Variants in PCDHGB1 observed in about 807,000 individuals in gnomAD.
PCDHGB1 encodes the protein protocadherin gamma subfamily B, 1.
PCDHGB1 carries 34 observed loss-of-function variants against 56.6 expected under a neutral mutation model. That is an observed-to-expected ratio of 0.60 (90% CI 0.46 to 0.80). The LOEUF is 0.80. Ranked by LOEUF, PCDHGB1 falls within the 30% of genes least tolerant of loss-of-function variation. The probability of loss-of-function intolerance (pLI) is 0.00; values close to 1 mark genes in which losing one functional copy is unlikely to be tolerated. For synonymous variants in PCDHGB1, 561 were observed against 505.9 expected (o/e 1.11, Z -1.46); for missense variants, 1,278 against 1,204.6 (o/e 1.06, Z -0.90).
intron 1 of PCDHGB1, among the ~76,000 whole-genome samples, chr5:141,429,706 T>G (rs191069331): frequency 7.6e-4 from 116 of 152,354 alleles, no homozygotes; most frequent in African/African-American, 2.5e-3. Flanking sequence ...ACAGTATAAA[T>G]ATTTACGCTC....
At chr5:141,393,115 G>A (rs1342924521) in intron 1 of PCDHGB1, 1 of 1,613,438 alleles carries the variant, frequency 6.2e-7, no homozygotes. Context: ...CAGAGCCCGC[G>A]GTGTCTGATA....
rs372326132 is a variant in PCDHGB1 at position 141,486,185 on chromosome 5, G to A, written c.2410-8622G>A. On this transcript the variant is annotated intron_variant, in intron 1 of 3. Coordinates refer to ENST00000523390, the MANE Select transcript of PCDHGB1 (RefSeq NM_018922.3). The surrounding 1 kb of genome is among the most constrained non-coding windows in gnomAD (Gnocchi z 5.0). ...CATGGAGCAACATTGCAGCCTTCGAGTGGATCTGCTGGACGTAAATGACAA... is the reference window on the plus strand; with the variant it reads ...CATGGAGCAACATTGCAGCCTTCGAATGGATCTGCTGGACGTAAATGACAA... 42 of 1,614,108 alleles carry A rather than the reference G, an allele frequency of 2.6e-5. No homozygotes were observed. The highest frequency in any genetic ancestry group is 3.4e-5 in the Non-Finnish European group (40 of 1,180,048).
Position 141,491,900 on chromosome 5 carries a change from G to A in PCDHGB1, c.2410-2907G>A, listed in dbSNP as rs1268804496. 7.0e-7 allele frequency: 1 copy of A among 1,429,818 alleles called. No individual in the cohort carries two copies. Among genetic ancestry groups the A allele is most frequent in the East Asian group, 2.5e-5 (1 of 39,444 alleles). The allele number at this position is 1,429,818 out of a possible 1,614,324, so 88.6% of individuals were successfully genotyped here. A position where few individuals can be genotyped will look rare whatever the true frequency, so the allele number is the denominator to read the frequency against. ...TAAGGGATGGGGCTCCGAGCACCGGGGGTGGTGGCGACTGTGGGCGAGGGG... is the reference window on the plus strand; with the variant it reads ...TAAGGGATGGGGCTCCGAGCACCGGAGGTGGTGGCGACTGTGGGCGAGGGG... On this transcript the variant is annotated intron_variant, in intron 1 of 3. Coordinates refer to ENST00000523390, the MANE Select transcript of PCDHGB1 (RefSeq NM_018922.3). This position sits in a 1 kb window ranked among gnomAD's most constrained non-coding sequence, Gnocchi z 6.9.
At chr5:141,448,786 A>G (rs1354591718) in intron 1 of PCDHGB1, among the ~76,000 whole-genome samples, 1 of 148,848 alleles carries the variant, frequency 6.7e-6, no homozygotes, top group African/African-American at 2.5e-5. Context: ...TAAAAATACA[A>G]AAAAAAAAAT....
chr5:141,384,703 G>T, intron 1 of PCDHGB1: 2 of 1,614,100 alleles, frequency 1.2e-6, no homozygotes, highest in Non-Finnish European at 8.5e-7. Context: ...AGGCCAGAAC[G>T]CCTGGCTGTC....
At chr5:141,371,264 A>G (rs753938620) in intron 1 of PCDHGB1, 27 of 1,614,064 alleles carry the variant, frequency 1.7e-5, no homozygotes, top group Non-Finnish European at 2.0e-5. Flanking sequence ...AAGTGAGACA[A>G]CTGTTCAAGC....
intron 1 of PCDHGB1, chr5:141,404,276 G>A (rs754510135): frequency 6.2e-7 from 1 of 1,613,992 alleles, no homozygotes; most frequent in Non-Finnish European, 8.5e-7. Context: ...CACCCTGCAA[G>A]TGACTGACAT....
At chr5:141,362,374 A>AC (rs765639463) in intron 1 of PCDHGB1, 4 of 1,614,036 alleles carry the variant, frequency 2.5e-6, no homozygotes, top group Non-Finnish European at 3.4e-6. Context: ...CAGTGAGGGT[A>AC]CATTGCCCTA....
intron 1 of PCDHGB1, chr5:141,360,307 G>A (rs13171859): frequency 0.11 from 182,138 of 1,613,876 alleles, 11,756 homozygotes; most frequent in Non-Finnish European, 0.13. Flanking sequence ...GGGGCTCAGC[G>A]TCCGGGACTT....
chr5:141,384,791 C>A (rs773450358), intron 1 of PCDHGB1: 22 of 1,613,424 alleles, frequency 1.4e-5, no homozygotes, highest in Non-Finnish European at 1.9e-5. Flanking sequence ...ACGGCTCGGG[C>A]CCTGCTGGAC....
chr5:141,431,093 G>A lies in PCDHGB1; in HGVS notation c.2410-63714G>A. 6.2e-7 allele frequency: 1 copy of A among 1,614,250 alleles called. No individual in the cohort carries two copies. The highest frequency in any genetic ancestry group is 8.5e-7 in the Non-Finnish European group (1 of 1,180,032). On this transcript the variant is annotated intron_variant, in intron 1 of 3. Transcript: ENST00000523390. The surrounding 1 kb of genome is among the most constrained non-coding windows in gnomAD (Gnocchi z 4.8). Reference sequence around the variant, plus strand: ...ATTAAATCTAGACATTCTGATGGAGGATAAAGTGAAAATATATGGAGTAGA... The same window carrying A: ...ATTAAATCTAGACATTCTGATGGAGAATAAAGTGAAAATATATGGAGTAGA...
chr5:141,415,890 C>A lies in PCDHGB1; in HGVS notation c.2409+63221C>A, dbSNP rs2095969500. The A allele has an allele frequency of 9.7e-6, 9 of 931,410 alleles. No homozygotes were observed. In the South Asian group the frequency reaches 2.3e-4, roughly 24 times the overall value. 57.7% of individuals were successfully genotyped at this position (931,410 alleles called of 1,614,324 possible). On this transcript the variant is annotated intron_variant, in intron 1 of 3. Coordinates refer to ENST00000523390, the MANE Select transcript of PCDHGB1 (RefSeq NM_018922.3). Reference sequence around the variant, plus strand: ...GTTGTTGAGTACAATATTGACAATTCCTAAGACAGACTTCCATACAGAAGT... The same window carrying A: ...GTTGTTGAGTACAATATTGACAATTACTAAGACAGACTTCCATACAGAAGT...
chr5:141,375,150 T>G, intron 1 of PCDHGB1: 1 of 1,613,946 alleles, frequency 6.2e-7, no homozygotes, highest in Non-Finnish European at 8.5e-7. Context: ...AGCAGAACAA[T>G]TGCTGAAAGT....
rs367651596 is a variant in PCDHGB1, at chr5:141,393,468, A to G, written c.2409+40799A>G. 1.1e-5 allele frequency: 18 copies of G among 1,613,922 alleles called. No individual in the cohort carries two copies. The highest frequency in any genetic ancestry group is 8.0e-5 in the African/African-American group (6 of 74,958). ...GGTCCTCACGGCCTCGGATGGCGGC[A>G]AGCCGCCTCGCTCTAGCACAGTGCG... On this transcript the variant is annotated intron_variant, in intron 1 of 3. Coordinates refer to ENST00000523390, the MANE Select transcript of PCDHGB1 (RefSeq NM_018922.3).
At position 141,408,409 on chromosome 5, in the gene PCDHGB1, C is replaced by G. The variant is rs780778580; in HGVS notation, c.2409+55740C>G. On this transcript the variant is annotated intron_variant, in intron 1 of 3. Coordinates refer to ENST00000523390, the MANE Select transcript of PCDHGB1 (RefSeq NM_018922.3). ...TGTCGGCTCGCAAGCTGCGAGTGAGCGCGGAGAAGCTGCACTTCAGCGTAG... is the reference window on the plus strand; with the variant it reads ...TGTCGGCTCGCAAGCTGCGAGTGAGGGCGGAGAAGCTGCACTTCAGCGTAG... 3.1e-6 allele frequency: 5 copies of G among 1,613,884 alleles called. No individual in the cohort carries two copies. In the East Asian group the frequency reaches 1.1e-4, roughly 36 times the overall value.
intron 1 of PCDHGB1, chr5:141,404,914 C>T (rs1423848318): frequency 1.2e-6 from 2 of 1,613,948 alleles, no homozygotes; most frequent in Non-Finnish European, 1.7e-6. Flanking sequence ...AGCCCCCTCT[C>T]TCGGCCACTG....
rs550977374 is a variant in PCDHGB1, at chr5:141,447,118, G to A, written c.2410-47689G>A. 9.2e-5 allele frequency among the ~76,000 whole-genome samples: 14 copies of A among 151,984 alleles called. No individual in the cohort carries two copies. The East Asian group carries it at 2.7e-3, about 29-fold the overall frequency. ...TTCACATGATTATATGTGCTCCATGGATTTTTTTGTTTGTTTGTTTTTTGT... is the reference window on the plus strand; with the variant it reads ...TTCACATGATTATATGTGCTCCATGAATTTTTTTGTTTGTTTGTTTTTTGT... On this transcript the variant is annotated intron_variant, in intron 1 of 3. Transcript: ENST00000523390.
rs558609501 is a variant in PCDHGB1, at chr5:141,487,648, G to C, written c.2410-7159G>C. On this transcript the variant is annotated intron_variant, in intron 1 of 3. Coordinates refer to ENST00000523390, the MANE Select transcript of PCDHGB1 (RefSeq NM_018922.3). This position sits in a 1 kb window ranked among gnomAD's most constrained non-coding sequence, Gnocchi z 5.0. ...CTTTGCAGGCTCAACAAATGCTTGA[G>C]GGTTATTCTGATCCAGGCATATGGC... is the stretch of plus-strand genomic sequence containing the variant. 34 of 1,613,904 alleles carry C rather than the reference G, an allele frequency of 2.1e-5. 1 individual carries two copies. The South Asian group carries it at 3.6e-4, about 17-fold the overall frequency.
intron 1 of PCDHGB1, chr5:141,404,379 C>T (rs548569433): frequency 6.2e-7 from 1 of 1,613,940 alleles, no homozygotes; most frequent in African/African-American, 1.3e-5. Flanking sequence ...TCCGTGATTG[C>T]CTATGACCCT....
Sources: gnomAD v4.1 joint callset for allele counts (sites outside exome capture counted in the v4.1 genomes callset) on GRCh38, gnomAD v4.1.1 for gene constraint, Gnocchi (gnomAD v3.1) non-coding constraint, MANE v1.5 for transcripts, NCBI Gene and HGNC (gene_info 2026-07-23, HGNC 2026-07-21) for gene names.